The following LIFR variants were observed in gnomAD, a reference collection of about 807,000 sequenced individuals.
LIFR encodes leukemia inhibitory factor receptor.
In LIFR, 84 loss-of-function variants were observed where a neutral mutation model predicts 122.2. The ratio of observed to expected loss-of-function variants is 0.69; its 90% CI spans 0.58 to 0.82. The LOEUF (loss-of-function observed/expected upper bound fraction) is 0.82, where lower values mean the gene tolerates loss of function less well. LIFR is among the 40% of genes least tolerant of loss of function. The probability of loss-of-function intolerance (pLI) is 0.00; values close to 1 mark genes in which losing one functional copy is unlikely to be tolerated. For synonymous variants in LIFR, 422 were observed against 434.7 expected (o/e 0.97, Z 0.36); for missense variants, 1,294 against 1,311.6 (o/e 0.99, Z 0.21).
At chr5:38,510,396 G>C in intron 7 of LIFR, 68 bp downstream of exon 7, 5 of 1,417,844 alleles carry the variant, frequency 3.5e-6, no homozygotes, top group Non-Finnish European at 4.9e-6. Flanking sequence ...CACTCCAGAA[G>C]AATTAAGGCT....
intron 1 of LIFR, among the ~76,000 whole-genome samples, chr5:38,542,884 G>A (rs1747670099): frequency 6.6e-6 from 1 of 151,992 alleles, no homozygotes; most frequent in African/African-American, 2.4e-5. Flanking sequence ...AGGTCGTAAT[G>A]CATATGCTTA....
chr5:38,579,504 A>G (rs1749512378), intron 1 of LIFR: 1 of 152,228 alleles, frequency 6.6e-6, no homozygotes, highest in African/African-American at 2.4e-5. Flanking sequence ...ACTCCTACAT[A>G]ATACCCATCT....
At chr5:38,500,514 G>A (rs1745121507) in intron 11 of LIFR, among the ~76,000 whole-genome samples, 1 of 152,128 alleles carries the variant, frequency 6.6e-6, no homozygotes, top group African/African-American at 2.4e-5. Context: ...AAATAATTCT[G>A]TGCATGAAAC....
chr5:38,528,358 T>G (rs1746803218), intron 3 of LIFR, among the ~76,000 whole-genome samples: 2 of 152,198 alleles, frequency 1.3e-5, no homozygotes, highest in African/African-American at 4.8e-5. Flanking sequence ...TGGGCATGTG[T>G]GCTCTTCAGC....
chr5:38,500,585 A>C lies in LIFR; in HGVS notation c.1601-1002T>G, dbSNP rs575201047. 1.9e-4 allele frequency among the ~76,000 whole-genome samples: 29 copies of C among 152,336 alleles called. 1 individual carries two copies. In the East Asian group the frequency reaches 5.6e-3, roughly 29 times the overall value. ...ATTTGTGGCATCCTGGTGGTGCTCA[A>C]AAAGTTTTGGATCTTGGAGCATTTC... On this transcript the variant is annotated intron_variant, in intron 11 of 19. Transcript: ENST00000453190.
chr5:38,496,573 T>C lies in LIFR; in HGVS notation c.1694A>G (p.Asn565Ser). The change falls in exon 13 of 20, where the codon AAT becomes AGT. Residue 565 changes from asparagine (N) to serine (S), a missense_variant. By Grantham distance (46) the Asn-to-Ser change is conservative. Transcript: ENST00000453190. Reference protein sequence around the residue: ...YWKPLPINEANGKILSYNVSC... With the variant: ...YWKPLPINEASGKILSYNVSC... Reference sequence around the variant, plus strand: ...TACATTGTAGGAAAGTATTTTTCCATTAGCTTCATTAATGGGTAAAGGCTA... The same window carrying C: ...TACATTGTAGGAAAGTATTTTTCCACTAGCTTCATTAATGGGTAAAGGCTA... 6.2e-7 allele frequency: 1 copy of C among 1,612,638 alleles called. No individual in the cohort carries two copies.
Position 38,476,970 on chromosome 5 carries a change from C to T in LIFR, c.*4625G>A, listed in dbSNP as rs1579982987. The T allele has an allele frequency of 9.0e-6, 2 of 221,398 alleles. No homozygotes were observed. The highest frequency in any genetic ancestry group is 1.3e-4 in the East Asian group (2 of 15,054). 13.7% of individuals were successfully genotyped at this position (221,398 alleles called of 1,614,324 possible). A position where few individuals can be genotyped will look rare whatever the true frequency, so the allele number is the denominator to read the frequency against. On this transcript the variant is annotated 3_prime_UTR_variant, in exon 20 of 20. Coordinates refer to ENST00000453190, the MANE Select transcript of LIFR (RefSeq NM_001127671.2). ...AAAATAATAGAATCCTGTCATAACC[C>T]AATATCATAATTACAAGGATCTGGA...
At chr5:38,572,621 G>C (rs905585553) in intron 1 of LIFR, among the ~76,000 whole-genome samples, 1 of 152,064 alleles carries the variant, frequency 6.6e-6, no homozygotes, top group Non-Finnish European at 1.5e-5. Context: ...CCTTCTGTGC[G>C]GGCCTGAAGG....
At chr5:38,546,869 G>A (rs887083438) in intron 1 of LIFR, among the ~76,000 whole-genome samples, 5 of 152,154 alleles carry the variant, frequency 3.3e-5, no homozygotes, top group African/African-American at 1.2e-4. Flanking sequence ...CTATTTGTGA[G>A]CTGAAAAAGT....
At chr5:38,527,734 C>G (rs2112561112) in intron 3 of LIFR, among the ~76,000 whole-genome samples, 1 of 152,296 alleles carries the variant, frequency 6.6e-6, no homozygotes, top group African/African-American at 2.4e-5. Flanking sequence ...ATGGTTTCTT[C>G]TTAACAGAAC....
chr5:38,533,500 T>C (rs772515119), intron 1 of LIFR, among the ~76,000 whole-genome samples: 15 of 152,218 alleles, frequency 9.9e-5, no homozygotes, highest in Non-Finnish European at 1.9e-4. Flanking sequence ...TGTTCACACA[T>C]GTACTTTGAC....
intron 1 of LIFR, among the ~76,000 whole-genome samples, chr5:38,574,064 C>T (rs1212936336): frequency 2.0e-5 from 3 of 151,832 alleles, no homozygotes; most frequent in African/African-American, 4.8e-5. Context: ...TGCAGTGAGC[C>T]GAGATGGCAC....
intron 1 of LIFR, among the ~76,000 whole-genome samples, chr5:38,562,245 C>T (rs1748866500): frequency 6.6e-6 from 1 of 152,130 alleles, no homozygotes; most frequent in East Asian, 1.9e-4. Flanking sequence ...TTATTGTTTC[C>T]CTTCTTGCCT....
At chr5:38,597,361 A>G (rs1481843029), upstream of LIFR, among the ~76,000 whole-genome samples, 3 of 152,230 alleles carry the variant, frequency 2.0e-5, no homozygotes, top group African/African-American at 4.8e-5. Context: ...ACACAGAAGT[A>G]GCTCGTGGGG....
chr5:38,518,416 A>C (rs1243644016), intron 5 of LIFR, among the ~76,000 whole-genome samples: 1 of 152,134 alleles, frequency 6.6e-6, no homozygotes, highest in African/African-American at 2.4e-5. Context: ...GTATACAGTA[A>C]TGTGCTATAT....
rs1416672681 is a variant in LIFR, at chr5:38,585,641, G to T, written c.-20+9620C>A. 2.0e-5 allele frequency among the ~76,000 whole-genome samples: 3 copies of T among 152,108 alleles called. No homozygotes were observed. The East Asian group carries it at 5.8e-4, about 29-fold the overall frequency. On this transcript the variant is annotated intron_variant, in intron 1 of 19. Transcript: ENST00000263409. ...GTGTGTCAACCTGGACATCAGGAAGGCCCAGATATTTCTAAAATAGAGGGA... is the reference window on the plus strand; with the variant it reads ...GTGTGTCAACCTGGACATCAGGAAGTCCCAGATATTTCTAAAATAGAGGGA...
chr5:38,526,858 A>T (rs1017258868), intron 4 of LIFR, among the ~76,000 whole-genome samples: 2 of 152,088 alleles, frequency 1.3e-5, no homozygotes, highest in African/African-American at 2.4e-5. Context: ...CCCAGATAAG[A>T]CTACACCCTA....
At chr5:38,568,830 G>A (rs1406731746) in intron 1 of LIFR, among the ~76,000 whole-genome samples, 1 of 152,238 alleles carries the variant, frequency 6.6e-6, no homozygotes, top group Non-Finnish European at 1.5e-5. Context: ...TTTATTGGGA[G>A]TGCTCTTGAG....
chr5:38,507,908 A>C (rs979080454), intron 7 of LIFR, among the ~76,000 whole-genome samples: 1 of 152,224 alleles, frequency 6.6e-6, no homozygotes, highest in Admixed American at 6.5e-5. Context: ...ATGAGTGTTT[A>C]TATGAGAGTT....
Sources: allele counts gnomAD v4.1 joint callset (sites outside exome capture counted in the v4.1 genomes callset), GRCh38; gene constraint gnomAD v4.1.1; transcripts MANE v1.5; gene names NCBI Gene and HGNC (gene_info 2026-07-23, HGNC 2026-07-21).